The following GFRA2 variants were observed in gnomAD, a reference collection of about 807,000 sequenced individuals.
GFRA2 encodes the protein GDNF family receptor alpha 2.
In GFRA2, 17 loss-of-function variants were observed where a neutral mutation model predicts 48.3. The ratio of observed to expected loss-of-function variants is 0.35; its 90% CI spans 0.24 to 0.53. The LOEUF is 0.53. Ranked by LOEUF, GFRA2 falls within the 20% of genes least tolerant of loss-of-function variation. GFRA2 has a pLI of 0.93. For synonymous variants in GFRA2, 305 were observed against 257.2 expected, an observed-to-expected ratio of 1.19 and a Z score of -1.78; for missense variants, 660 against 637.3, an observed-to-expected ratio of 1.04 and a Z score of -0.38.
At chr8:21,758,598 T>G (rs1266019375) in intron 3 of GFRA2, among the ~76,000 whole-genome samples, 1 of 152,110 alleles carries the variant, frequency 6.6e-6, no homozygotes, top group Admixed American at 6.5e-5. Flanking sequence ...TAATTCTGTC[T>G]CTGCTTCTCC....
At chr8:21,782,484 G>A (rs1807042091) in intron 2 of GFRA2, 101 bp downstream of exon 2, 1 of 870,494 alleles carries the variant, frequency 1.1e-6, no homozygotes, top group African/African-American at 1.7e-5. Flanking sequence ...TGGCCAGTTT[G>A]CGCCACCACC....
At chr8:21,695,533 C>T (rs955837114) in intron 7 of GFRA2, among the ~76,000 whole-genome samples, 9 of 152,296 alleles carry the variant, frequency 5.9e-5, no homozygotes, top group Admixed American at 3.3e-4. Flanking sequence ...AGTAGAGTCA[C>T]TGCCAATGGT....
intron 3 of GFRA2, among the ~76,000 whole-genome samples, chr8:21,754,499 T>C (rs897673068): frequency 1.4e-5 from 2 of 142,224 alleles, no homozygotes; most frequent in African/African-American, 5.3e-5. Context: ...AATGGTCTTT[T>C]TTTTTCTTTT....
chr8:21,754,977 A>C (rs1294088692), intron 3 of GFRA2, among the ~76,000 whole-genome samples: 2 of 152,204 alleles, frequency 1.3e-5, no homozygotes, highest in Non-Finnish European at 2.9e-5. Flanking sequence ...GGAGACATGT[A>C]TCACACCCTA....
intron 3 of GFRA2, among the ~76,000 whole-genome samples, chr8:21,770,357 G>C (rs1365233452): frequency 6.6e-6 from 1 of 152,352 alleles, no homozygotes; most frequent in Non-Finnish European, 1.5e-5. Context: ...GCACTCACCT[G>C]CACTATCTCA....
intron 8 of GFRA2, among the ~76,000 whole-genome samples, chr8:21,694,051 A>ATT (rs1371982483): frequency 4.0e-5 from 5 of 124,238 alleles, no homozygotes; most frequent in Non-Finnish European, 6.7e-5. Flanking sequence ...AGATATATAT[A>ATT]TATTTATATA....
At chr8:21,748,518 A>G (rs1239624747) in intron 4 of GFRA2, among the ~76,000 whole-genome samples, 1 of 152,146 alleles carries the variant, frequency 6.6e-6, no homozygotes. Flanking sequence ...CTCCTCTGAA[A>G]TAATCCAGTT....
At position 21,740,859 on chromosome 8, in the gene GFRA2, G is replaced by A. The variant is rs978620347; in HGVS notation, c.794+9729C>T. Among the ~76,000 whole-genome samples the A allele has an allele frequency of 2.6e-5, 4 of 152,140 alleles. No homozygotes were observed. The South Asian group carries it at 6.2e-4, about 24-fold the overall frequency. On this transcript the variant is annotated intron_variant, in intron 4 of 8. Coordinates refer to ENST00000524240, the MANE Select transcript of GFRA2 (RefSeq NM_001495.5). ...CACCAAGCTGCTCAAGCCAGAAGCC[G>A]GTGAGTCATCCTTGAGCTCCTCCAT... is the stretch of plus-strand genomic sequence containing the variant.
At chr8:21,742,489 A>T (rs28594948) in intron 4 of GFRA2, among the ~76,000 whole-genome samples, 15,450 of 152,158 alleles carry the variant, frequency 0.1, 2,408 homozygotes, top group African/African-American at 0.34. Context: ...ATGAGAAGTA[A>T]ATGTTTGCTG....
chr8:21,734,333 C>G (rs1011849276), intron 4 of GFRA2, among the ~76,000 whole-genome samples: 4 of 152,266 alleles, frequency 2.6e-5, no homozygotes, highest in African/African-American at 9.6e-5. Flanking sequence ...AAGCACCCAG[C>G]CTTCCTTGCC....
At chr8:21,790,333 G>T (rs1187314508), upstream of GFRA2, among the ~76,000 whole-genome samples, 2 of 152,222 alleles carry the variant, frequency 1.3e-5, no homozygotes, top group African/African-American at 4.8e-5. Flanking sequence ...GAAACTTTTC[G>T]TGCTGCCCAA....
At chr8:21,802,664 C>A (rs1807791975) in intron 2 of GFRA2, among the ~76,000 whole-genome samples, 1 of 152,068 alleles carries the variant, frequency 6.6e-6, no homozygotes. Flanking sequence ...CTTCTGTCTT[C>A]AATAAGACAG....
chr8:21,720,530 A>G (rs1010260959), intron 4 of GFRA2, among the ~76,000 whole-genome samples: 2 of 152,104 alleles, frequency 1.3e-5, no homozygotes, highest in South Asian at 2.1e-4. Context: ...TCCACAACCC[A>G]TCTTTGCCAC....
intron 2 of GFRA2, among the ~76,000 whole-genome samples, chr8:21,775,942 T>G (rs1472867753): frequency 6.6e-6 from 1 of 151,910 alleles, no homozygotes; most frequent in Non-Finnish European, 1.5e-5. Flanking sequence ...AAATAGTCTC[T>G]TGAGACGTTA....
intron 4 of GFRA2, among the ~76,000 whole-genome samples, chr8:21,745,254 TCCA>T (rs1486941491): frequency 6.6e-6 from 1 of 152,156 alleles, no homozygotes; most frequent in East Asian, 1.9e-4. Flanking sequence ...CCAAGAATCC[TCCA>T]CCAAGATTCC....
rs767180945 is a variant in GFRA2, at chr8:21,750,618, C to T, written c.764G>A (p.Arg255His). The T allele has an allele frequency of 6.8e-6, 11 of 1,611,632 alleles. No individual in the cohort carries two copies. The highest frequency in any genetic ancestry group is 9.3e-6 in the Non-Finnish European group (11 of 1,178,718). The change falls in exon 4 of 9, where the codon CGT becomes CAT. Residue 255 changes from arginine (R) to histidine (H), a missense_variant. Arg to His is a conservative substitution (Grantham distance 29). Coordinates refer to ENST00000524240, the MANE Select transcript of GFRA2 (RefSeq NM_001495.5). The surrounding 1 kb of genome is among the most constrained non-coding windows in gnomAD (Gnocchi z 5.7). ...CAGGTGGTCAGTCCGGCACACGCCA[C>T]GCAGGTCCAGGCAGTTGGGCTTCTC... ...DKEKPNCLDL[R>H]GVCRTDHLCR... is the part of the protein sequence containing the mutation.
At chr8:21,747,093 C>T (rs975104487) in intron 4 of GFRA2, among the ~76,000 whole-genome samples, 1 of 152,228 alleles carries the variant, frequency 6.6e-6, no homozygotes, top group African/African-American at 2.4e-5. Context: ...CCCACTCCTA[C>T]GCTTGGGTCC....
At chr8:21,790,098 T>A, upstream of GFRA2, 2 of 985,244 alleles carry the variant, frequency 2.0e-6, no homozygotes, top group South Asian at 9.4e-5. Context: ...GAATTTACAA[T>A]AAACGCCCAG....
intron 6 of GFRA2, among the ~76,000 whole-genome samples, chr8:21,704,365 G>A (rs558927846): frequency 1.3e-4 from 20 of 152,332 alleles, no homozygotes; most frequent in African/African-American, 4.6e-4. Flanking sequence ...GATCATAAGT[G>A]ACCCCTCTCA....
Sources: allele counts gnomAD v4.1 joint callset (sites outside exome capture counted in the v4.1 genomes callset), GRCh38; gene constraint gnomAD v4.1.1; non-coding constraint Gnocchi (gnomAD v3.1); transcripts MANE v1.5; gene names NCBI Gene and HGNC (gene_info 2026-07-23, HGNC 2026-07-21).